ACTR3C: variants seen among roughly 807,000 people sequenced by gnomAD.
ACTR3C encodes the protein actin related protein 3C.
Under a neutral mutation model 26.3 loss-of-function variants are expected in ACTR3C, and 18 were observed. That is an observed-to-expected ratio of 0.68 (90% confidence interval 0.47 to 1.01). The LOEUF is 1.01. ACTR3C is among the 50% of genes least tolerant of loss of function. The probability of loss-of-function intolerance (pLI) is 0.00; values close to 1 mark genes in which losing one functional copy is unlikely to be tolerated. For missense variants in ACTR3C, 184 were observed against 250.7 expected (o/e 0.73, Z 1.80); for synonymous variants, 55 against 94.5 (o/e 0.58, Z 2.42).
chr7:149,972,134 A>T, the ACTR3C span, among the ~76,000 whole-genome samples: 2 of 152,156 alleles, frequency 1.3e-5, no homozygotes, highest in Non-Finnish European at 2.9e-5. Flanking sequence ...CGGATCTCCC[A>T]GCTTCACCGG....
At chr7:150,298,704 T>TAAAAAC (rs1563195746) in intron 1 of ACTR3C, among the ~76,000 whole-genome samples, 3 of 147,028 alleles carry the variant, frequency 2.0e-5, no homozygotes, top group Non-Finnish European at 4.5e-5. Context: ...GTCTCTCAGT[T>TAAAAAC]AAAAACAAAA....
At chr7:150,003,712 T>C in the ACTR3C span, among the ~76,000 whole-genome samples, 1 of 152,184 alleles carries the variant, frequency 6.6e-6, no homozygotes, top group African/African-American at 2.4e-5. Context: ...GCTGTATGTG[T>C]GGTGTCTGGT....
chr7:149,919,596 T>C, the ACTR3C span, among the ~76,000 whole-genome samples: 1 of 152,000 alleles, frequency 6.6e-6, no homozygotes, highest in Non-Finnish European at 1.5e-5. Flanking sequence ...AATGAATGAC[T>C]TATATGTAAC....
chr7:150,096,855 C>T, the ACTR3C span, among the ~76,000 whole-genome samples: 2 of 151,832 alleles, frequency 1.3e-5, no homozygotes, highest in South Asian at 2.1e-4. Flanking sequence ...AGCTTGCATG[C>T]GCTTGTCATG....
intron 1 of ACTR3C, chr7:150,322,547 G>T (rs1165830217): frequency 2.0e-5 from 3 of 152,196 alleles, no homozygotes; most frequent in Non-Finnish European, 4.4e-5. Context: ...ACTCTATATG[G>T]TCTAAAAAGG....
At chr7:149,934,177 G>A in the ACTR3C span, among the ~76,000 whole-genome samples, 1 of 151,838 alleles carries the variant, frequency 6.6e-6, no homozygotes, top group Non-Finnish European at 1.5e-5. Context: ...CAGGTGTCAA[G>A]TTTGACTCAA....
the ACTR3C span, among the ~76,000 whole-genome samples, chr7:150,019,008 T>C: frequency 6.6e-6 from 1 of 150,442 alleles, no homozygotes; most frequent in East Asian, 1.9e-4. Flanking sequence ...ATTAAGCCCC[T>C]TTTCTGTGCT....
the ACTR3C span, among the ~76,000 whole-genome samples, chr7:149,933,752 C>A: frequency 3.3e-5 from 5 of 152,178 alleles, no homozygotes; most frequent in South Asian, 1.0e-3. Flanking sequence ...TAGCAAGTTC[C>A]ACTCAACGCT....
intron 1 of ACTR3C, among the ~76,000 whole-genome samples, chr7:150,301,600 T>C (rs1434866865): frequency 1.3e-5 from 2 of 152,054 alleles, no homozygotes; most frequent in African/African-American, 4.8e-5. Context: ...GCTGCAAATA[T>C]AACAACAAAA....
Position 150,284,822 on chromosome 7 carries a change from C to T in ACTR3C, c.495G>A (p.Glu165=). ...HPEFANPDSM[E]SISDVVDEVI... is the part of the protein sequence containing the mutation. ...CTTCATCAACAACATCTGAGATGGACTCCATAGAGTCTGGGTTGGCAAACT... is the reference window on the plus strand; with the variant it reads ...CTTCATCAACAACATCTGAGATGGATTCCATAGAGTCTGGGTTGGCAAACT... Residue 165 remains glutamate (E), a synonymous_variant, in exon 6 of 8, where the codon GAG becomes GAA. Transcript: ENST00000683684. 1.9e-6 allele frequency: 3 copies of T among 1,611,950 alleles called. No individual in the cohort carries two copies. The highest frequency in any genetic ancestry group is 2.5e-6 in the Non-Finnish European group (3 of 1,179,104).
At chr7:150,291,479 C>G (rs754908961) in intron 3 of ACTR3C, among the ~76,000 whole-genome samples, 32 of 152,114 alleles carry the variant, frequency 2.1e-4, no homozygotes, top group Non-Finnish European at 4.7e-4. Context: ...AAGTATAATA[C>G]AGGTCTTTGG....
At chr7:150,121,861 G>A in the ACTR3C span, among the ~76,000 whole-genome samples, 1 of 152,178 alleles carries the variant, frequency 6.6e-6, no homozygotes, top group Non-Finnish European at 1.5e-5. Context: ...AAACAGCACG[G>A]TACTGTTAGC....
chr7:149,923,713 T>C, the ACTR3C span, among the ~76,000 whole-genome samples: 3,678 of 152,226 alleles, frequency 0.024, 77 homozygotes, highest in South Asian at 0.061. Flanking sequence ...CACACAAATG[T>C]GAGCCCAGGC....
At chr7:149,890,899 G>A in the ACTR3C span, 1 of 194,860 alleles carries the variant, frequency 5.1e-6, no homozygotes, top group South Asian at 1.0e-4. Context: ...GACCCAGGGG[G>A]AACAAACAGA....
At chr7:150,049,961 G>T in the ACTR3C span, among the ~76,000 whole-genome samples, 2 of 152,188 alleles carry the variant, frequency 1.3e-5, no homozygotes, top group Non-Finnish European at 2.9e-5. Context: ...GGTCTGGGGT[G>T]GGGAGAGCTT....
At chr7:149,928,387 T>C in the ACTR3C span, among the ~76,000 whole-genome samples, 5 of 145,284 alleles carry the variant, frequency 3.4e-5, no homozygotes, top group Non-Finnish European at 7.5e-5. Flanking sequence ...ATTTCTTTTT[T>C]TTTTTTTTTT....
At chr7:149,995,519 G>A in the ACTR3C span, among the ~76,000 whole-genome samples, 1 of 152,258 alleles carries the variant, frequency 6.6e-6, no homozygotes, top group Non-Finnish European at 1.5e-5. Flanking sequence ...TGTTCTCTTC[G>A]AGGTCTTTCC....
chr7:149,882,307 G>T, the ACTR3C span, among the ~76,000 whole-genome samples: 18 of 152,202 alleles, frequency 1.2e-4, no homozygotes, highest in Admixed American at 1.2e-3. Context: ...ATATTGGATT[G>T]GTGGCATCTT....
chr7:150,038,095 T>C, the ACTR3C span, among the ~76,000 whole-genome samples: 748 of 139,012 alleles, frequency 5.4e-3, 77 homozygotes, highest in African/African-American at 0.018. Flanking sequence ...CCTCCCCCCC[T>C]GTGATGGGAG....
Sources: gnomAD v4.1 joint callset for allele counts (sites outside exome capture counted in the v4.1 genomes callset) on GRCh38, gnomAD v4.1.1 for gene constraint, MANE v1.5 for transcripts, NCBI Gene and HGNC (gene_info 2026-07-23, HGNC 2026-07-21) for gene names.